The following EMILIN2 variants were observed in gnomAD, a reference collection of about 807,000 sequenced individuals.
The protein encoded by EMILIN2 is EMILIN-2.
A neutral mutation model predicts 87.1 loss-of-function variants in EMILIN2; 71 were observed. The observed-to-expected ratio is 0.82, with a 90% CI of 0.67 to 0.99. The LOEUF (loss-of-function observed/expected upper bound fraction) is 0.99, where lower values mean the gene tolerates loss of function less well. Among genes scored for constraint, EMILIN2 ranks in the 50% least tolerant of loss-of-function variants. The probability of loss-of-function intolerance (pLI) is 0.00; values close to 1 mark genes in which losing one functional copy is unlikely to be tolerated. For synonymous variants in EMILIN2, 581 were observed against 563.4 expected (o/e 1.03, Z -0.44); for missense variants, 1,407 against 1,371.8 (o/e 1.03, Z -0.40).
At chr18:2,895,711 C>T (rs180672222) in intron 4 of EMILIN2, among the ~76,000 whole-genome samples, 133 of 152,286 alleles carry the variant, frequency 8.7e-4, no homozygotes, top group Non-Finnish European at 1.2e-3. Flanking sequence ...CAGACTATGG[C>T]GACTGTCAAG....
intron 2 of EMILIN2, among the ~76,000 whole-genome samples, chr18:2,882,725 A>T (rs565587094): frequency 6.6e-6 from 1 of 152,178 alleles, no homozygotes; most frequent in Non-Finnish European, 1.5e-5. Flanking sequence ...TCTACTAAAA[A>T]TACAAAAAAT....
At chr18:2,865,201 C>A (rs1167078043) in intron 2 of EMILIN2, among the ~76,000 whole-genome samples, 3 of 151,740 alleles carry the variant, frequency 2.0e-5, no homozygotes, top group African/African-American at 4.9e-5. Flanking sequence ...TCTTCTGAAG[C>A]CTTCTTCTCT....
chr18:2,913,398 C>T lies in EMILIN2; in HGVS notation c.3156C>T (p.His1052=), dbSNP rs748536683. 10 of 1,584,954 alleles carry T rather than the reference C, an allele frequency of 6.3e-6. No individual in the cohort carries two copies. The Middle Eastern group carries it at 5.1e-4, about 81-fold the overall frequency. Residue 1052 remains histidine, a synonymous_variant, in exon 8 of 8, where the codon CAC becomes CAT. Transcript: ENST00000254528. ...SGVFLYPFLS[H]L is the part of the protein sequence containing the mutation. ...TTTTCTTATATCCTTTCCTTTCCCA[C>T]CTCTAAGGTGGCTGGGGAGATGTCA...
chr18:2,887,667 T>C (rs908998316), intron 3 of EMILIN2, among the ~76,000 whole-genome samples: 3 of 152,182 alleles, frequency 2.0e-5, no homozygotes, highest in Non-Finnish European at 4.4e-5. Flanking sequence ...CCATGTTTCT[T>C]GTACAGCCTA....
intron 7 of EMILIN2, 88 bp downstream of exon 7, chr18:2,909,907 C>T (rs891282587): frequency 1.1e-5 from 17 of 1,558,518 alleles, no homozygotes; most frequent in Admixed American, 4.2e-5. Flanking sequence ...TGGTTCCCAG[C>T]GTCCCGTGGG....
chr18:2,889,502 G>C (rs2076822306), intron 3 of EMILIN2, among the ~76,000 whole-genome samples: 1 of 151,602 alleles, frequency 6.6e-6, no homozygotes, highest in South Asian at 2.1e-4. Flanking sequence ...TATTGCTGCA[G>C]GTTTCAATAG....
At chr18:2,905,121 G>T (rs533463041) in intron 4 of EMILIN2, among the ~76,000 whole-genome samples, 3 of 152,136 alleles carry the variant, frequency 2.0e-5, no homozygotes, top group South Asian at 4.2e-4. Flanking sequence ...TGTATGGCGT[G>T]AACTAACTTC....
At chr18:2,902,231 C>T (rs193230792) in intron 4 of EMILIN2, among the ~76,000 whole-genome samples, 10 of 152,270 alleles carry the variant, frequency 6.6e-5, no homozygotes, top group East Asian at 1.9e-4. Flanking sequence ...TGGCCCATAG[C>T]GCCTGTCATA....
At chr18:2,850,785 T>C (rs1370400361) in intron 2 of EMILIN2, among the ~76,000 whole-genome samples, 1 of 151,900 alleles carries the variant, frequency 6.6e-6, no homozygotes, top group Non-Finnish European at 1.5e-5. Context: ...GGCCTTGACA[T>C]GGTTGAGCAG....
chr18:2,900,908 A>C (rs1311722615), intron 4 of EMILIN2, among the ~76,000 whole-genome samples: 3 of 152,160 alleles, frequency 2.0e-5, no homozygotes, highest in African/African-American at 7.2e-5. Flanking sequence ...TCTTTAAAAT[A>C]CTTCTCCAGT....
chr18:2,890,842 G>C lies in EMILIN2; in HGVS notation c.715G>C (p.Val239Leu), dbSNP rs551035165. 1 of 1,613,914 alleles carries C rather than the reference G, an allele frequency of 6.2e-7. No individual in the cohort carries two copies. The highest frequency in any genetic ancestry group is 8.5e-7 in the Non-Finnish European group (1 of 1,180,030). ...SSQHPKPDTT[V>L]SGDTETGQSP... ...CCAGCACCCCAAGCCTGACACCACT[G>C]TTAGTGGAGACACAGAAACGGGCCA... Residue 239 changes from valine to leucine, a missense_variant, in exon 4 of 8, where the codon GTT becomes CTT. Val to Leu is a conservative substitution (Grantham distance 32). Coordinates refer to ENST00000254528, the MANE Select transcript of EMILIN2 (RefSeq NM_032048.3). The surrounding 1 kb of genome is among the most constrained non-coding windows in gnomAD (Gnocchi z 4.7).
intron 4 of EMILIN2, among the ~76,000 whole-genome samples, chr18:2,897,864 T>TTA (rs775310438): frequency 0.041 from 5,662 of 139,160 alleles, 360 homozygotes; most frequent in African/African-American, 0.14. Flanking sequence ...CCTGTCTCTT[T>TTA]AAAAAAAAAA....
intron 2 of EMILIN2, among the ~76,000 whole-genome samples, chr18:2,882,571 C>T (rs1168495847): frequency 1.3e-5 from 2 of 151,712 alleles, no homozygotes; most frequent in South Asian, 2.1e-4. Context: ...ATAGTGAGAC[C>T]CTATCTCTTA....
Position 2,913,254 on chromosome 18 carries a change from C to T in EMILIN2, c.3012C>T (p.Gly1004=). The T allele has an allele frequency of 6.2e-7, 1 of 1,613,922 alleles. No homozygotes were observed. The highest frequency in any genetic ancestry group is 8.5e-7 in the Non-Finnish European group (1 of 1,179,864). The change falls in exon 8 of 8, where the codon GGC becomes GGT. Residue 1004 remains glycine (G), a synonymous_variant. Transcript: ENST00000254528. Reference sequence around the variant, plus strand: ...CAGGAGCTTTGCATACCTGCGGGGGCCCGGGGGCATTCCACCTCATCGTGC... The same window carrying T: ...CAGGAGCTTTGCATACCTGCGGGGGTCCGGGGGCATTCCACCTCATCGTGC... The part of the protein sequence containing the change: ...RPPGALHTCG[G]PGAFHLIVHL...
In EMILIN2 at chr18:2,847,235, C is replaced by G; in HGVS notation, c.47C>G (p.Ala16Gly). 7.9e-7 allele frequency: 1 copy of G among 1,267,508 alleles called. No individual in the cohort carries two copies. The highest frequency in any genetic ancestry group is 2.6e-5 in the South Asian group (1 of 38,402). 78.5% of individuals were successfully genotyped at this position (1,267,508 alleles called of 1,614,324 possible). A position where few individuals can be genotyped will look rare whatever the true frequency, so the allele number is the denominator to read the frequency against. The change falls in exon 1 of 8, where the codon GCG becomes GGG. Residue 16 changes from alanine (A) to glycine (G), a missense_variant. Ala to Gly is a moderately conservative substitution (Grantham distance 60, BLOSUM62 0). Coordinates refer to ENST00000254528, the MANE Select transcript of EMILIN2 (RefSeq NM_032048.3). The surrounding 1 kb of genome is among the most constrained non-coding windows in gnomAD (Gnocchi z 4.5). The part of the protein sequence containing the change: ...RPWPRVPWRW[A>G]LALLALVGAG... Reference sequence around the variant, plus strand: ...TGGCCCCGCGTGCCCTGGCGCTGGGCGCTGGCGCTGCTGGCCCTGGTTGGC... The same window carrying G: ...TGGCCCCGCGTGCCCTGGCGCTGGGGGCTGGCGCTGCTGGCCCTGGTTGGC...
chr18:2,871,393 T>C (rs1323034254), intron 2 of EMILIN2, among the ~76,000 whole-genome samples: 7 of 152,220 alleles, frequency 4.6e-5, no homozygotes, highest in Admixed American at 3.3e-4. Context: ...TCATCAGAGC[T>C]GTGCTTTCAA....
chr18:2,905,785 T>G (rs7232253), intron 4 of EMILIN2, among the ~76,000 whole-genome samples: 44,577 of 144,998 alleles, frequency 0.31, 7,812 homozygotes, highest in Admixed American at 0.39. Flanking sequence ...GTTTTTTTGT[T>G]TTTTTTTTTT....
chr18:2,858,018 G>A (rs1280847238), intron 2 of EMILIN2, among the ~76,000 whole-genome samples: 4 of 152,092 alleles, frequency 2.6e-5, no homozygotes, highest in Non-Finnish European at 4.4e-5. Flanking sequence ...TCTCACGGCC[G>A]GTGCAGGGGG....
chr18:2,873,565 G>A lies in EMILIN2; in HGVS notation c.258-11399G>A, dbSNP rs1365949981. Among the ~76,000 whole-genome samples, 4 of 151,680 alleles carry A rather than the reference G, an allele frequency of 2.6e-5. No homozygotes were observed. In the South Asian group the frequency reaches 6.3e-4, roughly 24 times the overall value. ...TACTAAAAATACAAAAAATTAGCCG[G>A]GCGTGGTGGCGGGCGCCTGTAGTCC... On this transcript the variant is annotated intron_variant, in intron 2 of 7. Coordinates refer to ENST00000254528, the MANE Select transcript of EMILIN2 (RefSeq NM_032048.3).
Sources: gnomAD v4.1 joint callset for allele counts (sites outside exome capture counted in the v4.1 genomes callset) on GRCh38, gnomAD v4.1.1 for gene constraint, Gnocchi (gnomAD v3.1) non-coding constraint, MANE v1.5 for transcripts, NCBI Gene and HGNC (gene_info 2026-07-23, HGNC 2026-07-21) for gene names.